SLCO1B1: variants seen among roughly 807,000 people sequenced by gnomAD.
The protein encoded by SLCO1B1 is solute carrier organic anion transporter family member 1B1, also known as OATP-2.
A neutral mutation model predicts 70.1 loss-of-function variants in SLCO1B1; 81 were observed. The observed-to-expected ratio is 1.16, with a 90% CI of 0.97 to 1.39. The LOEUF (loss-of-function observed/expected upper bound fraction) is 1.39. SLCO1B1 is among the 40% of genes most tolerant of loss of function. The pLI is 0.00. For synonymous variants in SLCO1B1, 283 were observed against 271.5 expected, an observed-to-expected ratio of 1.04 and a Z score of -0.42; for missense variants, 895 against 799.6, an observed-to-expected ratio of 1.12 and a Z score of -1.44.
At chr12:21,216,264 A>G (rs750820279) in intron 11 of SLCO1B1, among the ~76,000 whole-genome samples, 43 of 152,226 alleles carry the variant, frequency 2.8e-4, no homozygotes, top group Admixed American at 4.6e-4. Context: ...AAATTCCTCT[A>G]TATTATTCCT....
chr12:21,136,572 T>G (rs1340750728), intron 1 of SLCO1B1, among the ~76,000 whole-genome samples: 1 of 152,198 alleles, frequency 6.6e-6, no homozygotes, highest in Non-Finnish European at 1.5e-5. Flanking sequence ...TCACTTCATT[T>G]CATTCATTTC....
chr12:21,163,358 T>C (rs1940645722), intron 2 of SLCO1B1, among the ~76,000 whole-genome samples: 1 of 152,202 alleles, frequency 6.6e-6, no homozygotes. Context: ...GTGTACCATC[T>C]ATGACTTAGT....
At chr12:21,231,061 A>G (rs574388464) in intron 14 of SLCO1B1, among the ~76,000 whole-genome samples, 2 of 146,768 alleles carry the variant, frequency 1.4e-5, no homozygotes, top group Non-Finnish European at 3.0e-5. Context: ...CTATGAGTGA[A>G]AACATGTGGC....
intron 7 of SLCO1B1, among the ~76,000 whole-genome samples, chr12:21,183,563 T>A (rs1232758670): frequency 6.6e-6 from 1 of 152,162 alleles, no homozygotes; most frequent in Non-Finnish European, 1.5e-5. Context: ...TAAATAAAAA[T>A]ATTGTGCAGA....
intron 11 of SLCO1B1, among the ~76,000 whole-genome samples, chr12:21,214,092 C>G (rs1476734035): frequency 2.6e-5 from 4 of 152,184 alleles, no homozygotes; most frequent in Admixed American, 6.5e-5. Flanking sequence ...CAGCTTTGTT[C>G]CATTGCTGGT....
At chr12:21,195,642 G>C (rs929678554) in intron 7 of SLCO1B1, among the ~76,000 whole-genome samples, 120 of 152,090 alleles carry the variant, frequency 7.9e-4, no homozygotes, top group African/African-American at 2.8e-3. Context: ...TAGGTTTGTG[G>C]TCGAAATATT....
chr12:21,232,409 A>G (rs1941547984), intron 14 of SLCO1B1, among the ~76,000 whole-genome samples: 1 of 152,136 alleles, frequency 6.6e-6, no homozygotes, highest in African/African-American at 2.4e-5. Context: ...TAGTTACAAG[A>G]TCAAGCTCCC....
intron 2 of SLCO1B1, among the ~76,000 whole-genome samples, chr12:21,155,419 T>C (rs1195009576): frequency 6.6e-6 from 1 of 152,260 alleles, no homozygotes; most frequent in East Asian, 1.9e-4. Flanking sequence ...TTCATTTTGC[T>C]AATATTCTTT....
In SLCO1B1 at chr12:21,193,068, G is replaced by A. The variant is rs1402999184; in HGVS notation, c.728-3878G>A. Among the ~76,000 whole-genome samples the A allele has an allele frequency of 3.3e-5, 5 of 152,058 alleles. No homozygotes were observed. The East Asian group carries it at 5.8e-4, about 18-fold the overall frequency. On this transcript the variant is annotated intron_variant, in intron 7 of 14. Transcript: ENST00000256958. ...CCATTGTAGTTAGAAAAGATAATTG[G>A]TATGATTTTAATTTTAAATTTATCA...
At chr12:21,234,086 C>G (rs116472641) in intron 14 of SLCO1B1, among the ~76,000 whole-genome samples, 8,208 of 152,230 alleles carry the variant, frequency 0.054, 244 homozygotes, top group African/African-American at 0.066. Flanking sequence ...TCAAATCAGT[C>G]TCTCTGAGAA....
chr12:21,190,452 C>G (rs1941017075), intron 7 of SLCO1B1, among the ~76,000 whole-genome samples: 1 of 152,126 alleles, frequency 6.6e-6, no homozygotes, highest in South Asian at 2.1e-4. Context: ...CCAGGATGGA[C>G]CAGGCATCCT....
intron 2 of SLCO1B1, among the ~76,000 whole-genome samples, chr12:21,167,605 G>A (rs1940702333): frequency 1.3e-5 from 2 of 152,128 alleles, no homozygotes; most frequent in East Asian, 1.9e-4. Context: ...AACATTAAAT[G>A]TACCTTTTCA....
At chr12:21,189,047 A>G (rs1380861314) in intron 7 of SLCO1B1, among the ~76,000 whole-genome samples, 1 of 152,198 alleles carries the variant, frequency 6.6e-6, no homozygotes, top group Non-Finnish European at 1.5e-5. Flanking sequence ...ACAGCTAGCT[A>G]TTATGAATAG....
intron 2 of SLCO1B1, among the ~76,000 whole-genome samples, chr12:21,165,875 G>A (rs749514464): frequency 7.2e-5 from 11 of 152,160 alleles, no homozygotes; most frequent in Non-Finnish European, 8.8e-5. Flanking sequence ...TAAGCCATCC[G>A]TTCCATCATA....
Position 21,195,944 on chromosome 12 carries a change from A to G in SLCO1B1, c.728-1002A>G, listed in dbSNP as rs369199412. 2.6e-5 allele frequency among the ~76,000 whole-genome samples: 4 copies of G among 152,300 alleles called. 1 individual carries two copies. Among genetic ancestry groups the G allele is most frequent in the African/African-American group, 9.6e-5 (4 of 41,562 alleles). Reference sequence around the variant, plus strand: ...GATAAGCTGGAGATGCAGTTTTCTTACATTCAGTCTATGTTGAGCCAGGGA... The same window carrying G: ...GATAAGCTGGAGATGCAGTTTTCTTGCATTCAGTCTATGTTGAGCCAGGGA... On this transcript the variant is annotated intron_variant, in intron 7 of 14. Transcript: ENST00000256958.
At chr12:21,195,619 A>G (rs898858983) in intron 7 of SLCO1B1, among the ~76,000 whole-genome samples, 9 of 152,114 alleles carry the variant, frequency 5.9e-5, no homozygotes, top group Non-Finnish European at 1.5e-5. Flanking sequence ...TGGACACAGA[A>G]AAGATGAAAT....
intron 11 of SLCO1B1, among the ~76,000 whole-genome samples, chr12:21,215,599 T>C (rs2121176807): frequency 6.6e-6 from 1 of 152,322 alleles, no homozygotes; most frequent in East Asian, 1.9e-4. Flanking sequence ...TTGAGGAATT[T>C]TGCACCTATA....
intron 14 of SLCO1B1, among the ~76,000 whole-genome samples, chr12:21,232,156 A>G (rs1376475673): frequency 6.6e-6 from 1 of 152,172 alleles, no homozygotes; most frequent in African/African-American, 2.4e-5. Context: ...TCAAATCAGA[A>G]AGCATTCATT....
At position 21,173,812 on chromosome 12, in the gene SLCO1B1, G is replaced by T. The variant is rs191876745; in HGVS notation, c.227-765G>T. 1.5e-3 allele frequency among the ~76,000 whole-genome samples: 202 copies of T among 130,540 alleles called. 3 individuals are homozygous for T. Among genetic ancestry groups the T allele is most frequent in the African/African-American group, 5.9e-3 (194 of 33,014 alleles). The allele number at this position is 130,540 out of a possible 152,430, so 85.6% of individuals were successfully genotyped here. A position where few individuals can be genotyped will look rare whatever the true frequency, so the allele number is the denominator to read the frequency against. On this transcript the variant is annotated intron_variant, in intron 3 of 14. Transcript: ENST00000256958. ...TTTTGAGACGGAGTCTCGCTCTGTC[G>T]CCCAGGCTGTAGTGCAGTGGTGCGA...
Sources: allele counts gnomAD v4.1 joint callset (sites outside exome capture counted in the v4.1 genomes callset), GRCh38; gene constraint gnomAD v4.1.1; transcripts MANE v1.5; gene names NCBI Gene and HGNC (gene_info 2026-07-23, HGNC 2026-07-21).